The following MAP3K7 variants were observed in gnomAD, a reference collection of about 807,000 sequenced individuals.
The protein encoded by MAP3K7 is mitogen-activated protein kinase kinase kinase 7.
In MAP3K7, 21 loss-of-function variants were observed where a neutral mutation model predicts 84.8. The observed-to-expected ratio is 0.25, with a 90% confidence interval of 0.18 to 0.36. The LOEUF is 0.36. Ranked by LOEUF, MAP3K7 falls within the 10% of genes least tolerant of loss-of-function variation. The pLI, the probability that MAP3K7 is intolerant of heterozygous loss-of-function variation, is 1.00. For missense variants in MAP3K7, 503 were observed against 747.7 expected, an observed-to-expected ratio of 0.67 and a Z score of 3.82; for synonymous variants, 241 against 247.7, an observed-to-expected ratio of 0.97 and a Z score of 0.25.
chr6:90,576,419 TCACACA>T (rs11468988), intron 1 of MAP3K7, among the ~76,000 whole-genome samples: 21,405 of 136,630 alleles, frequency 0.16, 1,815 homozygotes, highest in African/African-American at 0.2. Flanking sequence ...CTAGACTCTG[TCACACA>T]CACACACACA....
intron 13 of MAP3K7, among the ~76,000 whole-genome samples, chr6:90,526,389 CTT>C (rs1427998788): frequency 3.3e-5 from 5 of 152,010 alleles, no homozygotes; most frequent in Admixed American, 1.3e-4. Context: ...AGTATCATAA[CTT>C]AATTACTTTT....
intron 2 of MAP3K7, among the ~76,000 whole-genome samples, chr6:90,570,027 TTATA>T (rs1776848594): frequency 6.6e-6 from 1 of 152,128 alleles, no homozygotes; most frequent in Non-Finnish European, 1.5e-5. Context: ...TCACTATTTA[TTATA>T]TTTATTTACT....
intron 13 of MAP3K7, among the ~76,000 whole-genome samples, chr6:90,529,698 T>C (rs1775437976): frequency 6.6e-6 from 1 of 152,228 alleles, no homozygotes; most frequent in Non-Finnish European, 1.5e-5. Context: ...GAGATTTTTT[T>C]CTTCTTTGAA....
rs113447956 is a variant in MAP3K7 at position 90,571,014 on chromosome 6, T to C, written c.231+683A>G. ...CATGTTATACATTAAAAATATGAAG[T>C]ATATTTTGAAATTATGATTAAATGA... On this transcript the variant is annotated intron_variant, in intron 2 of 16. Coordinates refer to ENST00000369329, the MANE Select transcript of MAP3K7 (RefSeq NM_145331.3). Among the ~76,000 whole-genome samples, 156 of 152,282 alleles carry C rather than the reference T, an allele frequency of 1.0e-3. 1 individual carries two copies. The highest frequency in any genetic ancestry group is 3.4e-3 in the African/African-American group (142 of 41,572).
intron 1 of MAP3K7, among the ~76,000 whole-genome samples, chr6:90,580,861 T>C (rs114490641): frequency 0.015 from 2,239 of 152,344 alleles, 72 homozygotes; most frequent in African/African-American, 0.051. Flanking sequence ...AATTTATGAA[T>C]GTTTTCTAAA....
chr6:90,576,959 G>A (rs74456343), intron 1 of MAP3K7, among the ~76,000 whole-genome samples: 163 of 152,228 alleles, frequency 1.1e-3, no homozygotes, highest in Non-Finnish European at 1.9e-3. Flanking sequence ...CAATGTGAAG[G>A]AACTGAAAAA....
chr6:90,570,680 C>A (rs1776871823), intron 2 of MAP3K7, among the ~76,000 whole-genome samples: 1 of 152,142 alleles, frequency 6.6e-6, no homozygotes, highest in African/African-American at 2.4e-5. Context: ...ATTACATGCA[C>A]ATCTCATCTG....
At chr6:90,561,075 AAC>A in intron 4 of MAP3K7, among the ~76,000 whole-genome samples, 1 of 151,138 alleles carries the variant, frequency 6.6e-6, no homozygotes, top group South Asian at 2.1e-4. Context: ...AATAAAATGT[AAC>A]AATTTGTTTT....
chr6:90,575,310 TAATGATG>T (rs562886883), intron 1 of MAP3K7, among the ~76,000 whole-genome samples: 205 of 152,318 alleles, frequency 1.3e-3, no homozygotes, highest in Non-Finnish European at 2.4e-3. Flanking sequence ...AGGTAAGGGC[TAATGATG>T]AAGGCTAATA....
At chr6:90,541,341 T>C (rs1012713271) in intron 12 of MAP3K7, among the ~76,000 whole-genome samples, 5 of 152,156 alleles carry the variant, frequency 3.3e-5, no homozygotes, top group South Asian at 4.1e-4. Context: ...GTCTAAATAC[T>C]GGGCAAGAAA....
chr6:90,584,221 T>C (rs1777369827), intron 1 of MAP3K7, among the ~76,000 whole-genome samples: 1 of 152,184 alleles, frequency 6.6e-6, no homozygotes, highest in African/African-American at 2.4e-5. Flanking sequence ...ACAATTGAAC[T>C]GGAAGTGTAA....
chr6:90,586,773 C>T lies in MAP3K7; in HGVS notation c.111G>A (p.Glu37=), dbSNP rs1443915712. 2.5e-6 allele frequency: 4 copies of T among 1,598,988 alleles called. No homozygotes were observed. Among genetic ancestry groups the T allele is most frequent in the African/African-American group, 1.3e-5 (1 of 74,310 alleles). Residue 37 remains glutamate, a synonymous_variant, in exon 1 of 17, where the codon GAG becomes GAA. Coordinates refer to ENST00000369329, the MANE Select transcript of MAP3K7 (RefSeq NM_145331.3). ...GCCGGGCCTCGCTCACCTCTTCCAC[C>T]TCGATCTCCTTGTAGTCGATCTCTT... ...NFEEIDYKEI[E]VEEVVGRGAF... is the part of the protein sequence containing the mutation.
chr6:90,528,475 G>C (rs1331290396), intron 13 of MAP3K7, among the ~76,000 whole-genome samples: 1 of 152,128 alleles, frequency 6.6e-6, no homozygotes, highest in Non-Finnish European at 1.5e-5. Context: ...GGTTGGGGCT[G>C]GGTTAAGAAT....
intron 2 of MAP3K7, 39 bp from the exon 3 acceptor site, chr6:90,568,662 T>A: frequency 6.9e-7 from 1 of 1,455,760 alleles, no homozygotes; most frequent in Non-Finnish European, 9.5e-7. Context: ...AAGTGATAAC[T>A]TTTGAAGTAC....
intron 4 of MAP3K7, among the ~76,000 whole-genome samples, chr6:90,561,029 T>A (rs1332322013): frequency 6.6e-6 from 1 of 152,104 alleles, no homozygotes; most frequent in African/African-American, 2.4e-5. Context: ...GCAGTAAATA[T>A]AAGTAAAAGT....
chr6:90,558,278 C>T (rs938563561), intron 5 of MAP3K7, among the ~76,000 whole-genome samples: 14 of 151,964 alleles, frequency 9.2e-5, no homozygotes, highest in African/African-American at 2.7e-4. Context: ...GCTGAGATTG[C>T]GCCACTGCAC....
intron 7 of MAP3K7, among the ~76,000 whole-genome samples, chr6:90,553,101 T>C (rs1238361512): frequency 6.6e-6 from 1 of 152,218 alleles, no homozygotes; most frequent in Non-Finnish European, 1.5e-5. Context: ...TCCAGTTATA[T>C]TAACCATGTC....
intron 5 of MAP3K7, 147 bp downstream of exon 5, chr6:90,559,929 G>A: frequency 6.7e-6 from 5 of 749,134 alleles, no homozygotes; most frequent in South Asian, 3.9e-5. Context: ...TGATGAAGGT[G>A]AGTTAAAAGT....
At chr6:90,570,251 C>G (rs1776856689) in intron 2 of MAP3K7, among the ~76,000 whole-genome samples, 1 of 152,138 alleles carries the variant, frequency 6.6e-6, no homozygotes, top group Non-Finnish European at 1.5e-5. Context: ...AAGCAAATGA[C>G]TAGCAATAAC....
Sources: allele counts gnomAD v4.1 joint callset (sites outside exome capture counted in the v4.1 genomes callset), GRCh38; gene constraint gnomAD v4.1.1; transcripts MANE v1.5; gene names NCBI Gene and HGNC (gene_info 2026-07-23, HGNC 2026-07-21).